The following CEP85L variants were observed in gnomAD, a reference collection of about 807,000 sequenced individuals.
CEP85L encodes centrosomal protein of 85 kDa-like.
A neutral mutation model predicts 100.3 loss-of-function variants in CEP85L; 60 were observed. The observed-to-expected ratio is 0.60, with a 90% confidence interval of 0.49 to 0.74. The LOEUF (loss-of-function observed/expected upper bound fraction) is 0.74. CEP85L is among the 30% of genes least tolerant of loss of function. CEP85L has a pLI of 0.00. For missense variants in CEP85L, 973 were observed against 936.2 expected, an observed-to-expected ratio of 1.04 and a Z score of -0.51; for synonymous variants, 319 against 322.7, an observed-to-expected ratio of 0.99 and a Z score of 0.12.
chr6:118,549,581 T>C (rs1430389254), intron 3 of CEP85L, among the ~76,000 whole-genome samples: 3 of 151,840 alleles, frequency 2.0e-5, no homozygotes, highest in African/African-American at 7.2e-5. Flanking sequence ...TGTAAGCAGC[T>C]TTCCTTAAGA....
intron 4 of CEP85L, among the ~76,000 whole-genome samples, chr6:118,514,807 T>A (rs1324936849): frequency 2.0e-5 from 3 of 151,998 alleles, no homozygotes; most frequent in Non-Finnish European, 4.4e-5. Context: ...AGCAGATTTT[T>A]TTTTTTTCTA....
intron 1 of CEP85L, among the ~76,000 whole-genome samples, chr6:118,634,045 C>G (rs1774337392): frequency 6.6e-6 from 1 of 152,188 alleles, no homozygotes; most frequent in Admixed American, 6.5e-5. Flanking sequence ...AATTCAATGT[C>G]CCCATCTGTG....
In CEP85L at chr6:118,571,039, GA is replaced by G. The variant is rs564192702; in HGVS notation, c.233-4724del. On this transcript the variant is annotated intron_variant, in intron 2 of 12. Transcript: ENST00000368491. Reference sequence around the variant, plus strand: ...TAAAATTTTTAAATTAAATATTTAAGAATATATGAACAAAGAATATTTTCCC... The same window carrying G: ...TAAAATTTTTAAATTAAATATTTAAGATATATGAACAAAGAATATTTTCCC... Among the ~76,000 whole-genome samples, 854 of 151,920 alleles carry G rather than the reference GA, an allele frequency of 5.6e-3. 5 individuals are homozygous for G. The highest frequency in any genetic ancestry group is 9.4e-3 in the Non-Finnish European group (638 of 67,940).
chr6:118,702,290 T>G (rs763673099), intron 1 of CEP85L, among the ~76,000 whole-genome samples: 5 of 151,386 alleles, frequency 3.3e-5, no homozygotes, highest in African/African-American at 4.9e-5. Flanking sequence ...GTGGGAGGAT[T>G]GCTTGAGCCC....
chr6:118,648,685 T>A (rs1332150852), intron 1 of CEP85L, among the ~76,000 whole-genome samples: 1 of 142,548 alleles, frequency 7.0e-6, no homozygotes, highest in Non-Finnish European at 1.5e-5. Flanking sequence ...GAGCTTGCAG[T>A]GAGCCGAGAT....
chr6:118,543,318 C>T (rs969621602), intron 3 of CEP85L, among the ~76,000 whole-genome samples: 1 of 152,122 alleles, frequency 6.6e-6, no homozygotes, highest in Non-Finnish European at 1.5e-5. Flanking sequence ...TTTATTCTCT[C>T]TTCTTTCAAC....
At chr6:118,470,093 G>A (rs112308618) in intron 11 of CEP85L, among the ~76,000 whole-genome samples, 11 of 151,528 alleles carry the variant, frequency 7.3e-5, no homozygotes, top group Non-Finnish European at 1.3e-4. Flanking sequence ...CGGTGCGAGA[G>A]ACAAAGAAAT....
rs1562297733 is a variant in CEP85L at position 118,600,300 on chromosome 6, G to GGGGGGGTGTGTGTGTGTGTGT, written c.232+32152_232+32153insACACACACACACACACCCCCC. 3.8e-5 allele frequency among the ~76,000 whole-genome samples: 2 copies of GGGGGGGTGTGTGTGTGTGTGT among 52,236 alleles called. 1 individual carries two copies. The highest frequency in any genetic ancestry group is 8.1e-5 in the Non-Finnish European group (2 of 24,784). 34.3% of individuals were successfully genotyped at this position (52,236 alleles called of 152,430 possible). Reference sequence around the variant, plus strand: ...CTGCCTGTCCCTGAGCCTTCCTGGGGGTGTGTGTGTGTGTGTGTGTGTGTG... The same window carrying GGGGGGGTGTGTGTGTGTGTGT: ...CTGCCTGTCCCTGAGCCTTCCTGGGGGGGGGGTGTGTGTGTGTGTGTGTGTGTGTGTGTGTGTGTGTGTGTG... On this transcript the variant is annotated intron_variant, in intron 2 of 12. Coordinates refer to ENST00000368491, the MANE Select transcript of CEP85L (RefSeq NM_001042475.3).
Position 118,480,627 on chromosome 6 carries a change from A to G in CEP85L, c.1746-114T>C, listed in dbSNP as rs950609287. 35 of 657,204 alleles carry G rather than the reference A, an allele frequency of 5.3e-5. No individual in the cohort carries two copies. In the East Asian group the frequency reaches 9.1e-4, roughly 17 times the overall value. 40.7% of individuals were successfully genotyped at this position (657,204 alleles called of 1,614,324 possible). ...AAAAATATTATAGACCCTAAAAATG[A>G]CATCAAGACCCACAGACAGTATATG... is the stretch of plus-strand genomic sequence containing the variant. On this transcript the variant is annotated intron_variant, in intron 8 of 12. Coordinates refer to ENST00000368491, the MANE Select transcript of CEP85L (RefSeq NM_001042475.3).
At chr6:118,473,588 G>A (rs564690151) in intron 10 of CEP85L, among the ~76,000 whole-genome samples, 1 of 152,230 alleles carries the variant, frequency 6.6e-6, no homozygotes, top group East Asian at 1.9e-4. Context: ...AGGATCCACT[G>A]AAGAGTTCTG....
At chr6:118,480,937 A>G (rs1402933716) in intron 8 of CEP85L, among the ~76,000 whole-genome samples, 2 of 152,106 alleles carry the variant, frequency 1.3e-5, no homozygotes, top group Admixed American at 6.6e-5. Flanking sequence ...AAGCTCAGCA[A>G]AAGTTTGCTT....
intron 1 of CEP85L, among the ~76,000 whole-genome samples, chr6:118,684,543 A>G (rs143710084): frequency 5.1e-4 from 77 of 152,360 alleles, no homozygotes; most frequent in Middle Eastern, 6.8e-3. Context: ...AAAGGTTTAC[A>G]GATATTTTGA....
At chr6:118,605,946 A>T (rs1772173854) in intron 2 of CEP85L, among the ~76,000 whole-genome samples, 1 of 150,350 alleles carries the variant, frequency 6.7e-6, no homozygotes, top group Non-Finnish European at 1.5e-5. Context: ...CCCGGGAGGC[A>T]GAGGTTGCGG....
At chr6:118,584,185 C>G (rs1227885028) in intron 2 of CEP85L, among the ~76,000 whole-genome samples, 1 of 152,158 alleles carries the variant, frequency 6.6e-6, no homozygotes, top group Non-Finnish European at 1.5e-5. Context: ...TTCAGGAAGG[C>G]ACTGAAGCTC....
chr6:118,519,503 CGTGTGT>C lies in CEP85L; in HGVS notation c.1139+4293_1139+4298del, dbSNP rs1375404184. Among the ~76,000 whole-genome samples the C allele has an allele frequency of 4.4e-4, 15 of 34,300 alleles. 1 individual carries two copies. The highest frequency in any genetic ancestry group is 1.8e-3 in the African/African-American group (15 of 8,222). The allele number at this position is 34,300 out of a possible 152,430, so 22.5% of individuals were successfully genotyped here. ...GGGGGGGGTTGTGAAACTCCGTGTG[CGTGTGT>C]GTGGCGGGGGGGTTGTGAAACTCCG... On this transcript the variant is annotated intron_variant, in intron 4 of 12. Transcript: ENST00000368491.
rs58082624 is a variant in CEP85L, at chr6:118,663,049, T to TA, written c.-27-10242dup. Among the ~76,000 whole-genome samples the TA allele has an allele frequency of 4.3e-3, 627 of 144,602 alleles. 2 individuals are homozygous for TA. The highest frequency in any genetic ancestry group is 0.018 in the Middle Eastern group (5 of 282). The allele number at this position is 144,602 out of a possible 152,430, so 94.9% of individuals were successfully genotyped here. A position where few individuals can be genotyped will look rare whatever the true frequency, so the allele number is the denominator to read the frequency against. On this transcript the variant is annotated intron_variant, in intron 1 of 13. Coordinates refer to the CEP85L transcript ENST00000368488. ...TGAATGCTTAAAATAATTTTCATGG[T>TA]AAAAAAAAAAAGCAGTGAACTAAAG...
intron 2 of CEP85L, among the ~76,000 whole-genome samples, chr6:118,629,018 C>T (rs1301233801): frequency 6.6e-6 from 1 of 152,066 alleles, no homozygotes; most frequent in South Asian, 2.1e-4. Context: ...CTCAACCAAC[C>T]GTGGATCAAA....
At chr6:118,579,342 G>A (rs1780430471) in intron 2 of CEP85L, among the ~76,000 whole-genome samples, 1 of 151,766 alleles carries the variant, frequency 6.6e-6, no homozygotes, top group Non-Finnish European at 1.5e-5. Flanking sequence ...GTCAAGGGGT[G>A]GGGACGGGCG....
At chr6:118,502,159 T>C (rs1287837112) in intron 5 of CEP85L, 2 of 1,146,014 alleles carry the variant, frequency 1.7e-6, no homozygotes, top group Non-Finnish European at 2.5e-6. Flanking sequence ...TCTGCAGGGG[T>C]TCAAAGAGGA....
Sources: allele counts gnomAD v4.1 joint callset (sites outside exome capture counted in the v4.1 genomes callset), GRCh38; gene constraint gnomAD v4.1.1; transcripts MANE v1.5; gene names NCBI Gene and HGNC (gene_info 2026-07-23, HGNC 2026-07-21).